The following ACOT12 variants were observed in gnomAD, a reference collection of about 807,000 sequenced individuals.
The protein encoded by ACOT12 is acetyl-coenzyme A thioesterase.
In ACOT12, 51 loss-of-function variants were observed where a neutral mutation model predicts 67.7. That is an observed-to-expected ratio of 0.75 (90% CI 0.60 to 0.95). ACOT12 has a LOEUF of 0.95. Among genes scored for constraint, ACOT12 ranks in the 40% least tolerant of loss-of-function variants. The probability of loss-of-function intolerance (pLI) is 0.00; values close to 1 mark genes in which losing one functional copy is unlikely to be tolerated. For synonymous variants in ACOT12, 251 were observed against 244.6 expected, an observed-to-expected ratio of 1.03 and a Z score of -0.24; for missense variants, 734 against 708.1, an observed-to-expected ratio of 1.04 and a Z score of -0.41.
At chr5:81,316,298 G>A in the ACOT12 span, among the ~76,000 whole-genome samples, 1 of 152,148 alleles carries the variant, frequency 6.6e-6, no homozygotes, top group African/African-American at 2.4e-5. Context: ...CCCTTAAGCA[G>A]TTGCTCCCTA....
downstream of ACOT12, among the ~76,000 whole-genome samples, chr5:81,325,217 A>G (rs1352103842): frequency 6.6e-6 from 1 of 152,190 alleles, no homozygotes; most frequent in Non-Finnish European, 1.5e-5. Flanking sequence ...GATGGTTTAT[A>G]TTTTCTCAAT....
intron 11 of ACOT12, among the ~76,000 whole-genome samples, chr5:81,337,377 T>G (rs6885431): frequency 0.019 from 2,820 of 152,272 alleles, 25 homozygotes; most frequent in African/African-American, 0.023. Flanking sequence ...GTTGAATTAT[T>G]TCTCTACCCT....
intron 5 of ACOT12, among the ~76,000 whole-genome samples, chr5:81,354,730 A>G (rs1276382131): frequency 2.0e-5 from 3 of 151,706 alleles, no homozygotes; most frequent in East Asian, 3.9e-4. Flanking sequence ...TTGAGTCAGA[A>G]TCTGGCTCTG....
chr5:81,337,225 C>A (rs1237640062), intron 11 of ACOT12, among the ~76,000 whole-genome samples: 1 of 152,210 alleles, frequency 6.6e-6, no homozygotes, highest in Non-Finnish European at 1.5e-5. Flanking sequence ...TGCTGGGGCT[C>A]TGCAATCTCA....
At chr5:81,326,528 A>C (rs1758679428), downstream of ACOT12, among the ~76,000 whole-genome samples, 1 of 152,204 alleles carries the variant, frequency 6.6e-6, no homozygotes. Flanking sequence ...ATGACACAGC[A>C]AGCAGCATAA....
chr5:81,383,323 T>C (rs937937834), intron 2 of ACOT12, among the ~76,000 whole-genome samples: 1 of 152,088 alleles, frequency 6.6e-6, no homozygotes, highest in Non-Finnish European at 1.5e-5. Flanking sequence ...TGAGTCAAGA[T>C]CGCACCACTG....
the ACOT12 span, among the ~76,000 whole-genome samples, chr5:81,321,754 C>T: frequency 4.8e-4 from 73 of 152,220 alleles, no homozygotes; most frequent in Admixed American, 4.6e-3. Flanking sequence ...CAAGACCAGC[C>T]TGGGCAACAT....
intron 11 of ACOT12, among the ~76,000 whole-genome samples, chr5:81,338,771 G>A (rs796204848): frequency 2.0e-5 from 3 of 152,264 alleles, no homozygotes; most frequent in Admixed American, 6.5e-5. Flanking sequence ...ATTCTAATAA[G>A]ATTCTTTTTG....
chr5:81,329,505 G>A (rs1245556834), downstream of ACOT12, among the ~76,000 whole-genome samples: 2 of 152,308 alleles, frequency 1.3e-5, no homozygotes, highest in East Asian at 3.9e-4. Flanking sequence ...GGTAGGGGGA[G>A]CAGAGGTAGA....
intron 5 of ACOT12, among the ~76,000 whole-genome samples, chr5:81,349,279 G>A (rs1469017734): frequency 6.6e-6 from 1 of 152,004 alleles, no homozygotes; most frequent in Admixed American, 6.6e-5. Context: ...GATCGTTTCA[G>A]TCCCCAGCTT....
downstream of ACOT12, among the ~76,000 whole-genome samples, chr5:81,328,801 A>G (rs185572764): frequency 1.1e-3 from 169 of 152,310 alleles, no homozygotes; most frequent in Non-Finnish European, 2.0e-3. Context: ...ACCTGTCTGC[A>G]TTATTATAAG....
At chr5:81,335,981 C>A in intron 11 of ACOT12, 80 bp from the exon 12 acceptor site, 1 of 1,415,092 alleles carries the variant, frequency 7.1e-7, no homozygotes, top group South Asian at 1.4e-5. Context: ...TATATGTAGT[C>A]ATAGACCAAT....
the ACOT12 span, chr5:81,312,694 C>G: frequency 6.7e-7 from 1 of 1,502,926 alleles, no homozygotes; most frequent in Non-Finnish European, 9.2e-7. Flanking sequence ...GTTACTACCT[C>G]ATTGTTACTT....
At chr5:81,375,027 G>C (rs1342430924) in intron 2 of ACOT12, among the ~76,000 whole-genome samples, 5 of 152,060 alleles carry the variant, frequency 3.3e-5, no homozygotes, top group Non-Finnish European at 7.4e-5. Flanking sequence ...GCAACCCTAA[G>C]ACACATAATT....
chr5:81,357,833 T>C (rs1759766575), intron 5 of ACOT12, among the ~76,000 whole-genome samples: 1 of 151,726 alleles, frequency 6.6e-6, no homozygotes, highest in Non-Finnish European at 1.5e-5. Flanking sequence ...TGGTGAAACC[T>C]CGTCTCCCCT....
intron 5 of ACOT12, among the ~76,000 whole-genome samples, chr5:81,352,024 TC>T (rs1759567553): frequency 6.6e-6 from 1 of 152,140 alleles, no homozygotes; most frequent in African/African-American, 2.4e-5. Flanking sequence ...TCACTGATCA[TC>T]AGAGAAATGC....
intron 5 of ACOT12, among the ~76,000 whole-genome samples, chr5:81,351,970 G>A (rs1254784380): frequency 6.6e-6 from 1 of 152,114 alleles, no homozygotes; most frequent in Non-Finnish European, 1.5e-5. Flanking sequence ...TTTCTCAAAA[G>A]AAGACATGCA....
At chr5:81,328,838 C>T (rs747869124), downstream of ACOT12, among the ~76,000 whole-genome samples, 25 of 152,258 alleles carry the variant, frequency 1.6e-4, no homozygotes, top group Non-Finnish European at 4.4e-5. Context: ...TAGAACAGCA[C>T]TATCTAAAGA....
chr5:81,315,718 C>G, the ACOT12 span, among the ~76,000 whole-genome samples: 2 of 151,966 alleles, frequency 1.3e-5, no homozygotes, highest in Non-Finnish European at 1.5e-5. Context: ...AGCCAAAACC[C>G]CTAAAGAGAG....
Sources: gnomAD v4.1 joint callset for allele counts (sites outside exome capture counted in the v4.1 genomes callset) on GRCh38, gnomAD v4.1.1 for gene constraint, MANE v1.5 for transcripts, NCBI Gene and HGNC (gene_info 2026-07-23, HGNC 2026-07-21) for gene names.